GBP5: variants seen among roughly 807,000 people sequenced by gnomAD.
The protein encoded by GBP5 is guanylate binding protein 5.
Under a neutral mutation model 58.2 loss-of-function variants are expected in GBP5, and 48 were observed. The observed-to-expected ratio is 0.83, with a 90% CI of 0.65 to 1.05. GBP5 has a LOEUF of 1.05. GBP5 is among the 50% of genes least tolerant of loss of function. The pLI, the probability that GBP5 is intolerant of heterozygous loss-of-function variation, is 0.00. For missense variants in GBP5, 714 were observed against 686.8 expected (o/e 1.04, Z -0.44); for synonymous variants, 248 against 251.8 (o/e 0.98, Z 0.14).
rs1227531653 is a variant in GBP5 at position 89,257,472 on chromosome 1, T to C, written c.*3232A>G. Among the ~76,000 whole-genome samples, 11 of 152,206 alleles carry C rather than the reference T, an allele frequency of 7.2e-5. No homozygotes were observed. ...CGTATCACTAAGCAAGATAAGAAAG[T>C]ACCACAAGATGGTTATTAATGTGGG... On this transcript the variant is annotated 3_prime_UTR_variant, in exon 12 of 12. Transcript: ENST00000370459.
intron 10 of GBP5, 110 bp from the exon 11 acceptor site, chr1:89,262,511 T>TTTCCC: frequency 9.1e-7 from 1 of 1,095,676 alleles, no homozygotes; most frequent in Middle Eastern, 2.7e-4. Flanking sequence ...AGGGGTTGTT[T>TTTCCC]TTCCCTTCCA....
rs937004420 is a variant in GBP5, at chr1:89,257,301, T to A, written c.*3403A>T. On this transcript the variant is annotated 3_prime_UTR_variant, in exon 12 of 12. Transcript: ENST00000370459. ...AATTGCCCTTTATGAAGCCATCAGA[T>A]CTCAGGCGACTTATTCACTATCATG... is the stretch of plus-strand genomic sequence containing the variant. Among the ~76,000 whole-genome samples, 1 of 152,078 alleles carries A rather than the reference T, an allele frequency of 6.6e-6. No homozygotes were observed. Among genetic ancestry groups the A allele is most frequent in the Non-Finnish European group, 1.5e-5 (1 of 68,020 alleles).
In GBP5 at chr1:89,266,542, T is replaced by G; in HGVS notation, c.672A>C (p.Ile224=). 6.2e-7 allele frequency: 1 copy of G among 1,613,600 alleles called. No individual in the cohort carries two copies. The highest frequency in any genetic ancestry group is 8.5e-7 in the Non-Finnish European group (1 of 1,179,494). Residue 224 remains isoleucine, a synonymous_variant, in exon 7 of 12, where the codon ATA becomes ATC. Transcript: ENST00000370459. Reference sequence around the variant, plus strand: ...ATTTCTTTTTTGGAAAGAACTTCTGTATACACAGACGGGGCAAATTGAAAT... The same window carrying G: ...ATTTCTTTTTTGGAAAGAACTTCTGGATACACAGACGGGGCAAATTGAAAT... ...VQNFNLPRLC[I]QKFFPKKKCF... is the part of the protein sequence containing the mutation.
rs115118156 is a variant in GBP5, at chr1:89,267,577, C to T, written c.319-51G>A. The T allele has an allele frequency of 8.1e-4, 897 of 1,112,020 alleles. 9 individuals are homozygous for T. The African/African-American group carries it at 0.011, about 13-fold the overall frequency. The allele number at this position is 1,112,020 out of a possible 1,614,324, so 68.9% of individuals were successfully genotyped here. Reference sequence around the variant, plus strand: ...ATGTCTCATGGGATTCCCAGATGAGCGATATTTAAAAATAGGCTCTTGTCA... The same window carrying T: ...ATGTCTCATGGGATTCCCAGATGAGTGATATTTAAAAATAGGCTCTTGTCA... On this transcript the variant is annotated intron_variant, in intron 4 of 11. Coordinates refer to ENST00000370459, the MANE Select transcript of GBP5 (RefSeq NM_052942.5).
intron 10 of GBP5, 139 bp downstream of exon 10, chr1:89,262,544 G>A: frequency 6.6e-6 from 6 of 904,462 alleles, no homozygotes; most frequent in Non-Finnish European, 1.0e-5. Context: ...GCAGGATCAT[G>A]CCAGTCAGAT....
In GBP5 at chr1:89,263,965, A is replaced by T. The variant is rs763370356; in HGVS notation, c.1150-17T>A. 1.4e-6 allele frequency: 2 copies of T among 1,458,670 alleles called. No individual in the cohort carries two copies. The highest frequency in any genetic ancestry group is 1.9e-6 in the Non-Finnish European group (2 of 1,044,200). The allele number at this position is 1,458,670 out of a possible 1,614,324, so 90.4% of individuals were successfully genotyped here. A position where few individuals can be genotyped will look rare whatever the true frequency, so the allele number is the denominator to read the frequency against. On this transcript the variant is annotated splice_polypyrimidine_tract_variant and intron_variant, in intron 8 of 11. Transcript: ENST00000370459. The stretch of plus-strand genomic sequence containing the variant: ...TAGTAGAGTCTTCAAAGAGACAAAA[A>T]CCCATGGAAAAGATGTTAGCAATAC...
rs1166139706 is a variant in GBP5 at position 89,257,564 on chromosome 1, A to G, written c.*3140T>C. Among the ~76,000 whole-genome samples, 2 of 152,204 alleles carry G rather than the reference A, an allele frequency of 1.3e-5. No individual in the cohort carries two copies. Among genetic ancestry groups the G allele is most frequent in the East Asian group, 1.9e-4 (1 of 5,202 alleles). On this transcript the variant is annotated 3_prime_UTR_variant, in exon 12 of 12. Coordinates refer to ENST00000370459, the MANE Select transcript of GBP5 (RefSeq NM_052942.5). ...ATTTAATTTCAATGCTTTAACAATA[A>G]TAACTTTAATAATGATAACACTAAC... is the stretch of plus-strand genomic sequence containing the variant.
chr1:89,263,736 C>T lies in GBP5; in HGVS notation c.1362G>A (p.Gln454=). Reference sequence around the variant, plus strand: ...CCACAATAGGTAGAACTAGGGATACCTGTATTCCTTTCCGAGGCTCCCGAT... The same window carrying T: ...CCACAATAGGTAGAACTAGGGATACTTGTATTCCTTTCCGAGGCTCCCGAT... The part of the protein sequence containing the change: ...KYYREPRKGI[Q]AEEVLQKYLK... Residue 454 remains glutamine (Q), a splice_region_variant and synonymous_variant, in exon 9 of 12, where the codon CAG becomes CAA. Coordinates refer to ENST00000370459, the MANE Select transcript of GBP5 (RefSeq NM_052942.5). 6.2e-7 allele frequency: 1 copy of T among 1,603,588 alleles called. No individual in the cohort carries two copies. Among genetic ancestry groups the T allele is most frequent in the Non-Finnish European group, 8.5e-7 (1 of 1,170,766 alleles).
intron 4 of GBP5, among the ~76,000 whole-genome samples, chr1:89,267,948 C>T (rs1172711991): frequency 3.3e-5 from 5 of 152,116 alleles, no homozygotes. Flanking sequence ...GGTAAGGAAA[C>T]TGAGGCTCAA....
At chr1:89,262,601 A>T in intron 10 of GBP5, 82 bp downstream of exon 10, 1 of 1,021,898 alleles carries the variant, frequency 9.8e-7, no homozygotes, top group African/African-American at 1.6e-5. Context: ...GCTCTAGTTT[A>T]ACATCCCATG....
chr1:89,270,046 T>A (rs965300367), intron 2 of GBP5: 2 of 152,268 alleles, frequency 1.3e-5, no homozygotes, highest in Admixed American at 6.5e-5. Context: ...CATTAAATAC[T>A]ACCAAGTCAT....
rs1649808441 is a variant in GBP5, at chr1:89,256,914, A to T, written c.*3790T>A. 6.6e-6 allele frequency among the ~76,000 whole-genome samples: 1 copy of T among 152,094 alleles called. No individual in the cohort carries two copies. The highest frequency in any genetic ancestry group is 6.5e-5 in the Admixed American group (1 of 15,286). The stretch of plus-strand genomic sequence containing the variant: ...TTTTGGACTTTCTATTCTGTTGGTG[A>T]TCGTTATACACTAGAGTCATTACCA... On this transcript the variant is annotated 3_prime_UTR_variant, in exon 12 of 12. Transcript: ENST00000370459.
chr1:89,265,059 T>G, intron 7 of GBP5, 93 bp from the exon 8 acceptor site: 1 of 1,215,010 alleles, frequency 8.2e-7, no homozygotes, highest in Admixed American at 2.1e-5. Flanking sequence ...AATAGTTGCA[T>G]TGCCTGAAAT....
At chr1:89,267,298 G>A in intron 5 of GBP5, 119 bp downstream of exon 5, 1 of 960,732 alleles carries the variant, frequency 1.0e-6, no homozygotes, top group Admixed American at 2.4e-5. Flanking sequence ...TCCTTTCTTT[G>A]TACTTTCAAT....
chr1:89,263,334 G>A (rs1380122932), intron 9 of GBP5: 1 of 167,712 alleles, frequency 6.0e-6, no homozygotes, highest in Admixed American at 5.7e-5. Flanking sequence ...AATTCTGAAT[G>A]CATCTATACT....
At chr1:89,264,270 G>A (rs137951013) in intron 8 of GBP5, among the ~76,000 whole-genome samples, 256 of 152,138 alleles carry the variant, frequency 1.7e-3, no homozygotes, top group African/African-American at 5.7e-3. Context: ...TGTTTTACTC[G>A]GGATTTCCAA....
At chr1:89,264,432 C>A (rs1650127621) in intron 8 of GBP5, among the ~76,000 whole-genome samples, 1 of 152,058 alleles carries the variant, frequency 6.6e-6, no homozygotes, top group Non-Finnish European at 1.5e-5. Flanking sequence ...TGGCCAAAGA[C>A]AGAAAATTAA....
Position 89,268,732 on chromosome 1 carries a change from C to A in GBP5, c.315G>T (p.Glu105Asp). Reference protein sequence around the residue: ...LLDTEGLGDVEKADNKNDIQI... With the variant: ...LLDTEGLGDVDKADNKNDIQI... ...AAAAAAAGGAATCCTTCCTTACCTT[C>A]TCTACATCTCCCAGGCCCTCGGTGT... Residue 105 changes from glutamate (E) to aspartate (D), a missense_variant, in exon 4 of 12, where the codon GAG becomes GAT. Transcript: ENST00000370459. The A allele has an allele frequency of 6.2e-7, 1 of 1,613,972 alleles. No individual in the cohort carries two copies. The highest frequency in any genetic ancestry group is 1.7e-5 in the Admixed American group (1 of 60,010).
chr1:89,256,451 C>T lies in GBP5; in HGVS notation c.*4253G>A, dbSNP rs979975796. Among the ~76,000 whole-genome samples the T allele has an allele frequency of 6.6e-6, 1 of 152,076 alleles. No individual in the cohort carries two copies. The highest frequency in any genetic ancestry group is 6.6e-5 in the Admixed American group (1 of 15,264). On this transcript the variant is annotated 3_prime_UTR_variant, in exon 12 of 12. Coordinates refer to ENST00000370459, the MANE Select transcript of GBP5 (RefSeq NM_052942.5). Reference sequence around the variant, plus strand: ...GTATGTACCTGGGTTGTTACTTGTGCGTTCATCTTGTAATTTATTTATATT... The same window carrying T: ...GTATGTACCTGGGTTGTTACTTGTGTGTTCATCTTGTAATTTATTTATATT...
Sources: allele counts gnomAD v4.1 joint callset (sites outside exome capture counted in the v4.1 genomes callset), GRCh38; gene constraint gnomAD v4.1.1; transcripts MANE v1.5; gene names NCBI Gene and HGNC (gene_info 2026-07-23, HGNC 2026-07-21).